Variants in IGFL2 observed in about 807,000 individuals in gnomAD.
The protein encoded by IGFL2 is insulin growth factor-like family member 2.
Under a neutral mutation model 13.9 loss-of-function variants are expected in IGFL2, and 7 were observed. The observed-to-expected ratio is 0.51, with a 90% CI of 0.29 to 0.95. IGFL2 has a LOEUF of 0.95. Among genes scored for constraint, IGFL2 ranks in the 40% least tolerant of loss-of-function variants. The pLI, the probability that IGFL2 is intolerant of heterozygous loss-of-function variation, is 0.08. For missense variants in IGFL2, 138 were observed against 147.8 expected, an observed-to-expected ratio of 0.93 and a Z score of 0.34; for synonymous variants, 55 against 55.8, an observed-to-expected ratio of 0.99 and a Z score of 0.07.
rs763028262 is a variant in IGFL2 at position 46,160,816 on chromosome 19, G to A, written c.276G>A (p.Val92=). The A allele has an allele frequency of 1.9e-6, 3 of 1,613,870 alleles. No individual in the cohort carries two copies. Among genetic ancestry groups the A allele is most frequent in the Non-Finnish European group, 2.5e-6 (3 of 1,179,920 alleles). The part of the protein sequence containing the change: ...DSFGLTNDFV[V]KLKVQGVNSQ... The stretch of plus-strand genomic sequence containing the variant: ...TTGGCCTCACAAACGATTTTGTTGT[G>A]AAGCTGAAGGTTCAGGGTGTGAATT... The change falls in exon 3 of 4, where the codon GTG becomes GTA. Residue 92 remains valine (V), a synonymous_variant. Coordinates refer to ENST00000377693, the MANE Select transcript of IGFL2 (RefSeq NM_001135113.2).
the IGFL2 span, among the ~76,000 whole-genome samples, chr19:46,215,249 ATAGC>A: frequency 1.3e-5 from 2 of 152,326 alleles, no homozygotes; most frequent in African/African-American, 2.4e-5. Context: ...TTTACTAACT[ATAGC>A]TATGAAAATA....
chr19:46,100,432 T>C, the IGFL2 span, among the ~76,000 whole-genome samples: 3 of 152,130 alleles, frequency 2.0e-5, no homozygotes, highest in Non-Finnish European at 4.4e-5. Flanking sequence ...GGGTGGGATA[T>C]TGAGAAGTAT....
the IGFL2 span, among the ~76,000 whole-genome samples, chr19:46,206,176 G>C: frequency 0.068 from 10,394 of 151,918 alleles, 604 homozygotes; most frequent in East Asian, 0.18. Context: ...GCCCTCCCTC[G>C]AACCCAGCTT....
chr19:46,137,236 G>T, the IGFL2 span: 1 of 1,458,932 alleles, frequency 6.9e-7, no homozygotes, highest in Non-Finnish European at 9.6e-7. Context: ...AGGTAATTGT[G>T]AACTGATTTG....
At chr19:46,090,151 G>C in the IGFL2 span, among the ~76,000 whole-genome samples, 1 of 151,852 alleles carries the variant, frequency 6.6e-6, no homozygotes, top group Non-Finnish European at 1.5e-5. Context: ...TGTATTGCAT[G>C]TAAAATTTTG....
At chr19:46,141,724 C>G (rs555034646), upstream of IGFL2, among the ~76,000 whole-genome samples, 2 of 152,120 alleles carry the variant, frequency 1.3e-5, no homozygotes, top group Non-Finnish European at 2.9e-5. Flanking sequence ...CATCTTCCCA[C>G]CCTGCTTCCA....
the IGFL2 span, chr19:46,212,737 C>CTCTCTCTCTCTCTCTCTCCT: frequency 4.1e-5 from 6 of 147,828 alleles, no homozygotes; most frequent in African/African-American, 1.5e-4. Context: ...CTCTCTCTCT[C>CTCTCTCTCTCTCTCTCTCCT]CTCTCACTGT....
the IGFL2 span, among the ~76,000 whole-genome samples, chr19:46,190,748 G>T: frequency 1.3e-4 from 20 of 152,310 alleles, no homozygotes; most frequent in East Asian, 2.7e-3. Flanking sequence ...TCCCCCATGG[G>T]GGGTGGGGGT....
At chr19:46,145,205 G>C (rs1352053200), upstream of IGFL2, among the ~76,000 whole-genome samples, 2 of 151,802 alleles carry the variant, frequency 1.3e-5, no homozygotes, top group Non-Finnish European at 2.9e-5. Flanking sequence ...AATGTTTTTC[G>C]GGGTTATATA....
chr19:46,080,433 A>G, the IGFL2 span, among the ~76,000 whole-genome samples: 1 of 152,240 alleles, frequency 6.6e-6, no homozygotes, highest in African/African-American at 2.4e-5. Flanking sequence ...AAGAGGTGTG[A>G]AAACGACAGC....
At chr19:46,123,454 C>T in the IGFL2 span, among the ~76,000 whole-genome samples, 1 of 150,906 alleles carries the variant, frequency 6.6e-6, no homozygotes, top group Non-Finnish European at 1.5e-5. Flanking sequence ...AATTACAAAG[C>T]CAGTCTTTCC....
At chr19:46,207,841 T>C in the IGFL2 span, 1 of 152,218 alleles carries the variant, frequency 6.6e-6, no homozygotes, top group Non-Finnish European at 1.5e-5. Flanking sequence ...GCACACCCAG[T>C]AAGCCATGGG....
the IGFL2 span, among the ~76,000 whole-genome samples, chr19:46,211,319 C>T: frequency 6.6e-6 from 1 of 152,220 alleles, no homozygotes; most frequent in Non-Finnish European, 1.5e-5. Context: ...GAGAAAATGA[C>T]TCACACAGAC....
At chr19:46,197,998 T>G in the IGFL2 span, 1 of 32,266 alleles carries the variant, frequency 3.1e-5, no homozygotes, top group South Asian at 1.6e-3. Flanking sequence ...GCCCCTCCCC[T>G]CCCCCTCCCT....
chr19:46,118,714 A>C, the IGFL2 span, among the ~76,000 whole-genome samples: 3 of 152,182 alleles, frequency 2.0e-5, no homozygotes, highest in African/African-American at 7.2e-5. Context: ...AGGGGAGACC[A>C]GGCACTCCCA....
At chr19:46,112,389 G>A in the IGFL2 span, among the ~76,000 whole-genome samples, 1 of 152,264 alleles carries the variant, frequency 6.6e-6, no homozygotes, top group African/African-American at 2.4e-5. Flanking sequence ...TAGTGACCCT[G>A]TTTTTCCAAT....
At chr19:46,203,860 G>T in the IGFL2 span, among the ~76,000 whole-genome samples, 2 of 152,152 alleles carry the variant, frequency 1.3e-5, no homozygotes, top group African/African-American at 4.8e-5. Flanking sequence ...GGGATTACAG[G>T]TGCATGCCAC....
At chr19:46,170,349 A>G in the IGFL2 span, among the ~76,000 whole-genome samples, 21 of 152,208 alleles carry the variant, frequency 1.4e-4, no homozygotes, top group African/African-American at 4.8e-4. Flanking sequence ...CAATACTCTT[A>G]TAATTTCCTA....
the IGFL2 span, among the ~76,000 whole-genome samples, chr19:46,104,090 T>A: frequency 6.6e-6 from 1 of 151,884 alleles, no homozygotes. Flanking sequence ...GAATCTGGAG[T>A]AGGCAAGAGA....
Sources: allele counts gnomAD v4.1 joint callset (sites outside exome capture counted in the v4.1 genomes callset), GRCh38; gene constraint gnomAD v4.1.1; transcripts MANE v1.5; gene names NCBI Gene and HGNC (gene_info 2026-07-23, HGNC 2026-07-21).